Variants in FHIT observed in about 807,000 individuals in gnomAD.
The protein encoded by FHIT is bis(5'-adenosyl)-triphosphatase.
Under a neutral mutation model 17.9 loss-of-function variants are expected in FHIT, and 19 were observed. The observed-to-expected ratio is 1.06, with a 90% confidence interval of 0.74 to 1.56. The LOEUF is 1.56. Ranked by LOEUF, FHIT falls within the 40% of genes most tolerant of loss-of-function variation. The probability of loss-of-function intolerance (pLI) is 0.00; values close to 1 mark genes in which losing one functional copy is unlikely to be tolerated. For missense variants in FHIT, 248 were observed against 189.2 expected (o/e 1.31, Z -1.82); for synonymous variants, 81 against 69.7 (o/e 1.16, Z -0.81).
At chr3:60,689,913 T>C (rs1324232176) in intron 4 of FHIT, among the ~76,000 whole-genome samples, 2 of 152,220 alleles carry the variant, frequency 1.3e-5, no homozygotes, top group African/African-American at 4.8e-5. Flanking sequence ...TTCAGTATTA[T>C]AATTAAAGTT....
intron 5 of FHIT, among the ~76,000 whole-genome samples, chr3:60,088,772 C>A (rs1703606756): frequency 1.4e-5 from 2 of 141,182 alleles, no homozygotes; most frequent in South Asian, 2.3e-4. Flanking sequence ...CTGCATATGT[C>A]CAACAAACAT....
chr3:60,191,386 C>T (rs962683685), intron 5 of FHIT, among the ~76,000 whole-genome samples: 1 of 152,152 alleles, frequency 6.6e-6, no homozygotes, highest in African/African-American at 2.4e-5. Context: ...GGCAGGTTGT[C>T]ACCTAGTGAA....
intron 3 of FHIT, among the ~76,000 whole-genome samples, chr3:61,013,726 T>G (rs958494288): frequency 1.3e-5 from 2 of 152,214 alleles, no homozygotes; most frequent in Non-Finnish European, 2.9e-5. Flanking sequence ...AGAAGATGGC[T>G]AAATTTTATC....
At chr3:61,170,531 C>T (rs2037972265) in intron 2 of FHIT, among the ~76,000 whole-genome samples, 1 of 152,102 alleles carries the variant, frequency 6.6e-6, no homozygotes, top group African/African-American at 2.4e-5. Flanking sequence ...TCCTCTCTCC[C>T]ACCCTCCAAT....
intron 8 of FHIT, among the ~76,000 whole-genome samples, chr3:59,914,648 T>C (rs1053867194): frequency 1.3e-5 from 2 of 152,242 alleles, no homozygotes; most frequent in African/African-American, 4.8e-5. Flanking sequence ...TTCTTGCTTA[T>C]TTTGATTTTC....
At chr3:59,923,941 A>C (rs868323816) in intron 7 of FHIT, among the ~76,000 whole-genome samples, 2 of 152,200 alleles carry the variant, frequency 1.3e-5, no homozygotes, top group Non-Finnish European at 2.9e-5. Flanking sequence ...CTTTTGCCAG[A>C]ATATTCGCCA....
intron 4 of FHIT, among the ~76,000 whole-genome samples, chr3:60,583,771 G>C (rs140912024): frequency 2.6e-5 from 4 of 152,152 alleles, no homozygotes; most frequent in Non-Finnish European, 4.4e-5. Flanking sequence ...TTGTCACAAA[G>C]ATATCTAGCA....
chr3:59,988,226 C>T lies in FHIT; in HGVS notation c.279+23145G>A, dbSNP rs149485503. Among the ~76,000 whole-genome samples, 460 of 152,090 alleles carry T rather than the reference C, an allele frequency of 3.0e-3. 1 individual carries two copies. The highest frequency in any genetic ancestry group is 0.01 in the African/African-American group (432 of 41,506). ...GTGCTGAATATTCCAAAGTTAACTTCGTTAAAAATGCACAAACAACCTGAT... is the reference window on the plus strand; with the variant it reads ...GTGCTGAATATTCCAAAGTTAACTTTGTTAAAAATGCACAAACAACCTGAT... On this transcript the variant is annotated intron_variant, in intron 7 of 9. Coordinates refer to ENST00000492590, the MANE Select transcript of FHIT (RefSeq NM_002012.4).
At chr3:59,999,843 G>A (rs1699659667) in intron 7 of FHIT, among the ~76,000 whole-genome samples, 1 of 152,056 alleles carries the variant, frequency 6.6e-6, no homozygotes, top group South Asian at 2.1e-4. Context: ...CCTGACCTCA[G>A]GTAATCCGCC....
chr3:59,998,381 A>C (rs886103398), intron 7 of FHIT, among the ~76,000 whole-genome samples: 2 of 152,120 alleles, frequency 1.3e-5, no homozygotes, highest in East Asian at 3.9e-4. Flanking sequence ...GCCAATACAC[A>C]TTTTATGGAG....
intron 8 of FHIT, among the ~76,000 whole-genome samples, chr3:59,904,509 T>A (rs984357904): frequency 6.6e-6 from 1 of 152,188 alleles, no homozygotes; most frequent in Non-Finnish European, 1.5e-5. Flanking sequence ...ACAAGTAGAC[T>A]GAAGTCATGA....
intron 5 of FHIT, among the ~76,000 whole-genome samples, chr3:60,220,120 T>G (rs1188990387): frequency 6.6e-6 from 1 of 152,050 alleles, no homozygotes; most frequent in Admixed American, 6.6e-5. Context: ...GGTAATTAGA[T>G]GAAAAACAAT....
chr3:60,854,252 T>G (rs1484803980), intron 3 of FHIT, among the ~76,000 whole-genome samples: 1 of 152,124 alleles, frequency 6.6e-6, no homozygotes, highest in Non-Finnish European at 1.5e-5. Context: ...TCTCTTTCCC[T>G]AACTTTTCTC....
intron 8 of FHIT, among the ~76,000 whole-genome samples, chr3:59,800,707 T>C (rs1465326518): frequency 6.6e-6 from 1 of 152,196 alleles, no homozygotes; most frequent in Non-Finnish European, 1.5e-5. Context: ...TCATTAACTC[T>C]GGGATCAGTG....
chr3:60,326,478 C>A (rs996815297), intron 5 of FHIT, among the ~76,000 whole-genome samples: 11 of 130 alleles, frequency 0.085, no homozygotes, highest in Non-Finnish European at 0.13. Flanking sequence ...AGAGCTCAGG[C>A]AGTAATGGGA....
intron 5 of FHIT, among the ~76,000 whole-genome samples, chr3:60,309,748 T>C (rs1223058105): frequency 1.3e-5 from 2 of 152,096 alleles, no homozygotes; most frequent in Non-Finnish European, 2.9e-5. Flanking sequence ...TGTTTAACTT[T>C]TTTTTTCAAT....
chr3:60,921,770 G>A (rs1373413588), intron 3 of FHIT, among the ~76,000 whole-genome samples: 1 of 152,152 alleles, frequency 6.6e-6, no homozygotes, highest in Non-Finnish European at 1.5e-5. Context: ...GAATTCCGCT[G>A]CTGAAACAGA....
rs892195823 is a variant in FHIT at position 59,909,390 on chromosome 3, C to T, written c.348+12956G>A. Among the ~76,000 whole-genome samples the T allele has an allele frequency of 3.3e-5, 5 of 152,148 alleles. No individual in the cohort carries two copies. In the East Asian group the frequency reaches 9.7e-4, roughly 29 times the overall value. ...TGTCACCCAGGCTAGAATGCAGTGG[C>T]ATGATCTCAGCTCACTGCAACCTCC... On this transcript the variant is annotated intron_variant, in intron 8 of 9. Coordinates refer to ENST00000492590, the MANE Select transcript of FHIT (RefSeq NM_002012.4).
At chr3:60,605,621 C>G (rs1463657435) in intron 4 of FHIT, among the ~76,000 whole-genome samples, 3 of 152,190 alleles carry the variant, frequency 2.0e-5, no homozygotes, top group African/African-American at 7.2e-5. Context: ...CAGGCTAAAA[C>G]TACAGCAATT....
Sources: gnomAD v4.1 joint callset for allele counts (sites outside exome capture counted in the v4.1 genomes callset) on GRCh38, gnomAD v4.1.1 for gene constraint, MANE v1.5 for transcripts, NCBI Gene and HGNC (gene_info 2026-07-23, HGNC 2026-07-21) for gene names.